The following SENP8 variants were observed in gnomAD, a reference collection of about 807,000 sequenced individuals.
SENP8 encodes sentrin-specific protease 8.
Under a neutral mutation model 14.4 loss-of-function variants are expected in SENP8, and 10 were observed. That is an observed-to-expected ratio of 0.69 (90% CI 0.43 to 1.18). The LOEUF is 1.18. Ranked by LOEUF, SENP8 falls within the 50% of genes most tolerant of loss-of-function variation. SENP8 has a pLI of 0.00. For missense variants in SENP8, 202 were observed against 249.4 expected (o/e 0.81, Z 1.28); for synonymous variants, 94 against 95.5 (o/e 0.98, Z 0.09).
At chr15:72,130,105 A>G (rs7495832) in intron 1 of SENP8, among the ~76,000 whole-genome samples, 145,203 of 152,194 alleles carry the variant, frequency 0.95, 69,646 homozygotes, top group East Asian at 1. Context: ...CAGGAGAATC[A>G]CTTGAACCTG....
chr15:72,137,591 A>T (rs1441981910), intron 1 of SENP8, among the ~76,000 whole-genome samples: 1 of 152,208 alleles, frequency 6.6e-6, no homozygotes, highest in Non-Finnish European at 1.5e-5. Flanking sequence ...CTCTGTTTTT[A>T]AAATTACAGT....
rs1409195128 is a variant in SENP8, at chr15:72,143,089, T to A, written c.*2827T>A. 6.6e-6 allele frequency: 1 copy of A among 151,824 alleles called. No homozygotes were observed. The allele number at this position is 151,824 out of a possible 1,614,324, so 9.4% of individuals were successfully genotyped here. A position where few individuals can be genotyped will look rare whatever the true frequency, so the allele number is the denominator to read the frequency against. On this transcript the variant is annotated 3_prime_UTR_variant, in exon 2 of 2. Coordinates refer to ENST00000340912, the MANE Select transcript of SENP8 (RefSeq NM_145204.4). The stretch of plus-strand genomic sequence containing the variant: ...GGTGGGCGCCTGTAATCCCAGCTAC[T>A]CAGCAGGCTGAGGCAGGAGAATCAC...
intron 1 of SENP8, among the ~76,000 whole-genome samples, chr15:72,130,710 T>C (rs2081265684): frequency 6.6e-6 from 1 of 152,034 alleles, no homozygotes; most frequent in Non-Finnish European, 1.5e-5. Context: ...ATTACAGGCA[T>C]GCGCCACCAT....
chr15:72,133,076 C>T (rs1375375997), intron 1 of SENP8, among the ~76,000 whole-genome samples: 5 of 152,108 alleles, frequency 3.3e-5, no homozygotes, highest in East Asian at 1.9e-4. Context: ...GAGGCTGAGA[C>T]GGGAGAATCG....
chr15:72,129,864 A>G (rs2081256037), intron 1 of SENP8, among the ~76,000 whole-genome samples: 1 of 151,822 alleles, frequency 6.6e-6, no homozygotes, highest in Non-Finnish European at 1.5e-5. Context: ...AAAAAAATCC[A>G]GACTGAAACA....
intron 1 of SENP8, among the ~76,000 whole-genome samples, chr15:72,132,357 G>T (rs2081281122): frequency 6.6e-6 from 1 of 152,008 alleles, no homozygotes; most frequent in South Asian, 2.1e-4. Context: ...TAAAACCAAA[G>T]AATAAGGATG....
chr15:72,129,280 A>C (rs910259424), intron 1 of SENP8, among the ~76,000 whole-genome samples: 3 of 152,152 alleles, frequency 2.0e-5, no homozygotes, highest in African/African-American at 4.8e-5. Flanking sequence ...CTATCAACCC[A>C]GCACTTTGGG....
At position 72,139,670 on chromosome 15, in the gene SENP8, C is replaced by CA; in HGVS notation, c.48dup (p.Asp17ArgfsTer13). The CA allele has an allele frequency of 6.2e-7, 1 of 1,614,172 alleles. No homozygotes were observed. Among genetic ancestry groups the CA allele is most frequent in the Non-Finnish European group, 8.5e-7 (1 of 1,180,010 alleles). On this transcript the variant is annotated frameshift_variant, in exon 2 of 2. Transcript: ENST00000340912. LOFTEE classifies it high-confidence loss of function. ...TACATGGACAGTCTACTGCGGCAATCAGATGTCTCACTATTGGATCCGCCA... is the reference window on the plus strand; with the variant it reads ...TACATGGACAGTCTACTGCGGCAATCAAGATGTCTCACTATTGGATCCGCCA...
chr15:72,139,870 A>G lies in SENP8; in HGVS notation c.247A>G (p.Lys83Glu). ...CCTTGAACCACTGGACCTCCCCAAC[A>G]AGAGAGTTGTATTTTTAGCCATCAA... ...MFLEPLDLPN[K>E]RVVFLAINDN... The change falls in exon 2 of 2, where the codon AAG (lysine) becomes GAG (glutamate). Residue 83 changes from lysine to glutamate, a missense_variant. Coordinates refer to ENST00000340912, the MANE Select transcript of SENP8 (RefSeq NM_145204.4). 6.2e-7 allele frequency: 1 copy of G among 1,614,164 alleles called. No homozygotes were observed. Among genetic ancestry groups the G allele is most frequent in the Non-Finnish European group, 8.5e-7 (1 of 1,180,034 alleles).
chr15:72,140,517 TA>T lies in SENP8; in HGVS notation c.*256del, dbSNP rs765382948. On this transcript the variant is annotated 3_prime_UTR_variant, in exon 2 of 2. Coordinates refer to ENST00000340912, the MANE Select transcript of SENP8 (RefSeq NM_145204.4). ...CTTACAACCAACTTATTTGAACATT[TA>T]TTACACACAGGGTTTACGTAAGACT... The T allele has an allele frequency of 2.1e-6, 1 of 476,012 alleles. No homozygotes were observed. Among genetic ancestry groups the T allele is most frequent in the Non-Finnish European group, 3.9e-6 (1 of 259,078 alleles). The allele number at this position is 476,012 out of a possible 1,614,324, so 29.5% of individuals were successfully genotyped here. A position where few individuals can be genotyped will look rare whatever the true frequency, so the allele number is the denominator to read the frequency against.
chr15:72,126,519 G>A (rs949578658), intron 1 of SENP8, among the ~76,000 whole-genome samples: 1 of 152,126 alleles, frequency 6.6e-6, no homozygotes, highest in Non-Finnish European at 1.5e-5. Context: ...CAGCTACTCG[G>A]GAGGCTGAAG....
In SENP8 at chr15:72,140,145, G is replaced by T. The variant is rs754539707; in HGVS notation, c.522G>T (p.Leu174Phe). 1.2e-6 allele frequency: 2 copies of T among 1,614,162 alleles called. No individual in the cohort carries two copies. The highest frequency in any genetic ancestry group is 1.7e-5 in the Admixed American group (1 of 60,028). ...ACGTGATATGTAACACTGAGGCCTT[G>T]TGTCAGAACTTCTTTAGGCAACAGA... Reference protein sequence around the residue: ...GMYVICNTEALCQNFFRQQTE... With the variant: ...GMYVICNTEAFCQNFFRQQTE... The change falls in exon 2 of 2, where the codon TTG becomes TTT. Residue 174 changes from leucine to phenylalanine, a missense_variant. Physicochemically the swap from Leu to Phe is conservative, Grantham distance 22. Coordinates refer to ENST00000340912, the MANE Select transcript of SENP8 (RefSeq NM_145204.4).
chr15:72,118,292 T>C (rs1169639549), upstream of SENP8: 1 of 273,398 alleles, frequency 3.7e-6, no homozygotes, highest in Non-Finnish European at 6.8e-6. Flanking sequence ...CGCCCAAATT[T>C]TTTCTTCTTC....
chr15:72,137,114 CTAA>C (rs1429307921), intron 1 of SENP8, among the ~76,000 whole-genome samples: 1 of 152,072 alleles, frequency 6.6e-6, no homozygotes, highest in Admixed American at 6.6e-5. Flanking sequence ...GATTATCTTA[CTAA>C]TGTCATCTAA....
intron 1 of SENP8, among the ~76,000 whole-genome samples, chr15:72,129,497 G>C (rs1363090097): frequency 6.6e-6 from 1 of 151,386 alleles, no homozygotes; most frequent in Non-Finnish European, 1.5e-5. Context: ...CGAGTAGCTG[G>C]GATTACAGGC....
intron 1 of SENP8, among the ~76,000 whole-genome samples, chr15:72,138,704 T>C (rs2081350594): frequency 6.6e-6 from 1 of 151,250 alleles, no homozygotes; most frequent in South Asian, 2.1e-4. Context: ...GGCTCACGCC[T>C]GTAATTCCAG....
chr15:72,142,954 T>C lies in SENP8; in HGVS notation c.*2692T>C, dbSNP rs1325277744. 2 of 152,398 alleles carry C rather than the reference T, an allele frequency of 1.3e-5. No individual in the cohort carries two copies. Among genetic ancestry groups the C allele is most frequent in the East Asian group, 1.9e-4 (1 of 5,200 alleles). 9.4% of individuals were successfully genotyped at this position (152,398 alleles called of 1,614,324 possible). ...GCTCATGCCTGTAATCCCAGGACTT[T>C]GGGAGGCCAAGGCAGGCAGATCACC... On this transcript the variant is annotated 3_prime_UTR_variant, in exon 2 of 2. Coordinates refer to ENST00000340912, the MANE Select transcript of SENP8 (RefSeq NM_145204.4).
At chr15:72,131,212 AT>A (rs1452132736) in intron 1 of SENP8, among the ~76,000 whole-genome samples, 1 of 152,156 alleles carries the variant, frequency 6.6e-6, no homozygotes, top group South Asian at 2.1e-4. Context: ...TCTTAAAATA[AT>A]TTTTTTAAAT....
rs2081347439 is a variant in SENP8 at position 72,138,409 on chromosome 15, G to A, written c.-47-1168G>A. Among the ~76,000 whole-genome samples, 3 of 150,592 alleles carry A rather than the reference G, an allele frequency of 2.0e-5. No homozygotes were observed. In the South Asian group the frequency reaches 6.3e-4, roughly 32 times the overall value. ...CTGTTGCCCAGGCTGGAGCGCAATG[G>A]CATGATCTCAGCTCACTGCAACCTC... On this transcript the variant is annotated intron_variant, in intron 1 of 1. Transcript: ENST00000340912.
Sources: allele counts gnomAD v4.1 joint callset (sites outside exome capture counted in the v4.1 genomes callset), GRCh38; gene constraint gnomAD v4.1.1; transcripts MANE v1.5; gene names NCBI Gene and HGNC (gene_info 2026-07-23, HGNC 2026-07-21).